PUDP: variants seen among roughly 807,000 people sequenced by gnomAD.
The protein encoded by PUDP is pseudouridine-5'-phosphatase.
In PUDP, 8 loss-of-function variants were observed where a neutral mutation model predicts 9.4. That is an observed-to-expected ratio of 0.85 (90% CI 0.50 to 1.53). The LOEUF is 1.53. Among genes scored for constraint, PUDP ranks in the 40% most tolerant of loss-of-function variants. The pLI, the probability that PUDP is intolerant of heterozygous loss-of-function variation, is 0.00. For synonymous variants in PUDP, 99 were observed against 80.7 expected (o/e 1.23, Z -1.22); for missense variants, 188 against 189.7 (o/e 0.99, Z 0.05).
At chrX:6,899,942 G>T (rs1158812428) in intron 3 of PUDP, among the ~76,000 whole-genome samples, 1 of 111,697 alleles carries the variant, frequency 9.0e-6, no homozygotes, top group Non-Finnish European at 1.9e-5. Context: ...ATTAGGTGCA[G>T]TGGCTCACAC....
intron 3 of PUDP, among the ~76,000 whole-genome samples, chrX:6,830,465 C>A (rs1602637387): frequency 8.9e-6 from 1 of 112,003 alleles, no homozygotes; most frequent in African/African-American, 3.2e-5. Flanking sequence ...TGTCTTTTTT[C>A]TTTTAAAGTA....
At chrX:6,759,971 C>G (rs983692791) in intron 3 of PUDP, among the ~76,000 whole-genome samples, 3 of 111,795 alleles carry the variant, frequency 2.7e-5, no homozygotes, top group Non-Finnish European at 3.8e-5. Context: ...AAGCACATTG[C>G]CATGGTGACA....
Position 6,996,682 on chromosome X carries a change from A to G in PUDP, c.205-18339T>C, listed in dbSNP as rs762569239. 6.3e-5 allele frequency among the ~76,000 whole-genome samples: 6 copies of G among 95,723 alleles called. No individual in the cohort carries two copies. The South Asian group carries it at 3.1e-3, about 49-fold the overall frequency. 83.1% of individuals were successfully genotyped at this position (95,723 alleles called of 115,157 possible). A position where few individuals can be genotyped will look rare whatever the true frequency, so the allele number is the denominator to read the frequency against. ...TATATACATTTTTTTTTTTTTTGAG[A>G]TGCAGTTTCACTCTTGCTGCCCAGG... On this transcript the variant is annotated intron_variant and NMD_transcript_variant, in intron 1 of 3. Coordinates refer to the PUDP transcript ENST00000655425.
chrX:6,809,893 A>G (rs184115326), intron 3 of PUDP, among the ~76,000 whole-genome samples: 342 of 110,764 alleles, frequency 3.1e-3, no homozygotes, highest in Non-Finnish European at 5.0e-3. Context: ...CAACATAGCG[A>G]GACCCAGTCT....
At chrX:7,032,852 T>A (rs1309531675) in intron 1 of PUDP, among the ~76,000 whole-genome samples, 2 of 112,083 alleles carry the variant, frequency 1.8e-5, no homozygotes, top group Admixed American at 9.5e-5. Context: ...AATAAAATTT[T>A]AAAAAAACCA....
At chrX:6,930,178 G>C (rs1340613994) in intron 3 of PUDP, among the ~76,000 whole-genome samples, 1 of 110,846 alleles carries the variant, frequency 9.0e-6, no homozygotes, top group African/African-American at 3.3e-5. Flanking sequence ...GTTTGAACCA[G>C]AGTGACTCCA....
At chrX:7,113,595 T>G (rs1312859295) in intron 1 of PUDP, among the ~76,000 whole-genome samples, 2 of 112,639 alleles carry the variant, frequency 1.8e-5, no homozygotes, top group Non-Finnish European at 3.8e-5. Flanking sequence ...TTGCTTTAAT[T>G]AAAAAACCCA....
At chrX:6,715,623 G>C (rs111259870) in intron 1 of PUDP, among the ~76,000 whole-genome samples, 2,567 of 112,458 alleles carry the variant, frequency 0.023, 71 homozygotes, top group African/African-American at 0.078. Flanking sequence ...ACATTTGTAA[G>C]AGGCTGAATA....
At chrX:6,731,957 C>CT (rs1228622355) in intron 3 of PUDP, among the ~76,000 whole-genome samples, 5 of 112,009 alleles carry the variant, frequency 4.5e-5, no homozygotes, top group Non-Finnish European at 1.9e-5. Context: ...CCCATTTGTA[C>CT]TCCATCATAT....
At chrX:7,063,115 C>A (rs1930454247) in intron 3 of PUDP, among the ~76,000 whole-genome samples, 1 of 111,111 alleles carries the variant, frequency 9.0e-6, no homozygotes, top group Admixed American at 9.6e-5. Flanking sequence ...AGAGAAACCA[C>A]TTAGCAGTTA....
chrX:6,896,936 C>T (rs1328536774), intron 3 of PUDP, among the ~76,000 whole-genome samples: 5 of 111,569 alleles, frequency 4.5e-5, no homozygotes, highest in Non-Finnish European at 3.8e-5. Context: ...GGAGTTTCTG[C>T]TAAGTATTTT....
chrX:7,092,527 GTC>G (rs1188918153), intron 2 of PUDP, among the ~76,000 whole-genome samples: 7 of 111,547 alleles, frequency 6.3e-5, no homozygotes, highest in Non-Finnish European at 1.3e-4. Flanking sequence ...TGTTGATGGT[GTC>G]TCTGTCAATA....
At chrX:6,748,738 C>G (rs1925029860) in intron 3 of PUDP, among the ~76,000 whole-genome samples, 1 of 111,699 alleles carries the variant, frequency 9.0e-6, no homozygotes, top group Admixed American at 9.5e-5. Context: ...TTGAAGATAC[C>G]TATTTTTGAA....
chrX:6,810,098 AAAT>A (rs1340069804), intron 3 of PUDP, among the ~76,000 whole-genome samples: 1 of 110,583 alleles, frequency 9.0e-6, no homozygotes, highest in Non-Finnish European at 1.9e-5. Context: ...CAAAAAAAAA[AAAT>A]ATGAGGAGAT....
chrX:6,938,738 AG>A (rs1368488338), intron 3 of PUDP, among the ~76,000 whole-genome samples: 1 of 108,553 alleles, frequency 9.2e-6, no homozygotes, highest in Admixed American at 9.9e-5. Context: ...TGCCAATTTA[AG>A]AACCACCTGC....
At chrX:6,928,156 C>T (rs764397450) in intron 3 of PUDP, among the ~76,000 whole-genome samples, 77 of 110,657 alleles carry the variant, frequency 7.0e-4, no homozygotes, top group Admixed American at 6.4e-3. Flanking sequence ...TGATCTTGAA[C>T]TCCTGGCCTC....
intron 3 of PUDP, 71 bp from the exon 4 acceptor site, chrX:7,050,543 G>A (rs946643157): frequency 1.9e-5 from 18 of 965,805 alleles, no homozygotes; most frequent in African/African-American, 1.3e-4. Context: ...GTTTATTATC[G>A]TCGTCACCAT....
At chrX:6,911,642 T>C (rs933068604) in intron 3 of PUDP, among the ~76,000 whole-genome samples, 1 of 112,198 alleles carries the variant, frequency 8.9e-6, no homozygotes, top group Non-Finnish European at 1.9e-5. Flanking sequence ...ACTACATAAT[T>C]TGTCATTAAG....
chrX:6,738,129 T>C (rs1036579081), intron 3 of PUDP, among the ~76,000 whole-genome samples: 12 of 111,478 alleles, frequency 1.1e-4, no homozygotes, highest in African/African-American at 3.9e-4. Context: ...GATGCAACTC[T>C]TGGTTTCTCA....
Sources: gnomAD v4.1 joint callset for allele counts (sites outside exome capture counted in the v4.1 genomes callset) on GRCh38, gnomAD v4.1.1 for gene constraint, MANE v1.5 for transcripts, NCBI Gene and HGNC (gene_info 2026-07-23, HGNC 2026-07-21) for gene names.